The following ABCC1 variants were observed in gnomAD, a reference collection of about 807,000 sequenced individuals.
The protein encoded by ABCC1 is multidrug resistance-associated protein 1.
In ABCC1, 83 loss-of-function variants were observed where a neutral mutation model predicts 172.9. The ratio of observed to expected loss-of-function variants is 0.48; its 90% confidence interval spans 0.40 to 0.58. The LOEUF (loss-of-function observed/expected upper bound fraction) is 0.58. Ranked by LOEUF, ABCC1 falls within the 20% of genes least tolerant of loss-of-function variation. The pLI, the probability that ABCC1 is intolerant of heterozygous loss-of-function variation, is 0.00. For synonymous variants in ABCC1, 937 were observed against 825.2 expected (o/e 1.14, Z -2.32); for missense variants, 1,817 against 2,002.7 (o/e 0.91, Z 1.77).
At chr16:16,007,729 C>T in intron 1 of ABCC1, 87 bp from the exon 2 acceptor site, 3 of 1,350,184 alleles carry the variant, frequency 2.2e-6, no homozygotes, top group South Asian at 1.5e-5. Context: ...TTCTTCAAAC[C>T]CCGTGGCAGC....
intron 12 of ABCC1, among the ~76,000 whole-genome samples, chr16:16,063,304 C>T (rs1286029545): frequency 6.6e-6 from 1 of 152,074 alleles, no homozygotes; most frequent in Non-Finnish European, 1.5e-5. Context: ...GATGGGGTTT[C>T]ACCATGTTGG....
chr16:16,107,344 C>T (rs2052171642), intron 21 of ABCC1, among the ~76,000 whole-genome samples: 1 of 152,080 alleles, frequency 6.6e-6, no homozygotes, highest in Admixed American at 6.6e-5. Flanking sequence ...GGCTGGAGTG[C>T]AGTGGTGCGA....
intron 10 of ABCC1, among the ~76,000 whole-genome samples, chr16:16,051,657 C>T (rs555354403): frequency 6.6e-5 from 10 of 152,216 alleles, no homozygotes; most frequent in African/African-American, 1.9e-4. Flanking sequence ...GGTAGGAGCT[C>T]AGTTCCTGGG....
chr16:16,105,271 G>A (rs1288169945), intron 20 of ABCC1: 1 of 152,306 alleles, frequency 6.6e-6, no homozygotes, highest in Non-Finnish European at 1.5e-5. Context: ...CTGTCGAGGT[G>A]TGTGGATGTG....
intron 7 of ABCC1, among the ~76,000 whole-genome samples, chr16:16,041,434 G>C (rs776792658): frequency 1.1e-4 from 16 of 152,136 alleles, no homozygotes; most frequent in Non-Finnish European, 1.9e-4. Context: ...CCTGAGAAGG[G>C]TCTGGCTCTG....
At chr16:15,967,163 C>G (rs770033816) in intron 1 of ABCC1, among the ~76,000 whole-genome samples, 18 of 152,080 alleles carry the variant, frequency 1.2e-4, no homozygotes, top group Admixed American at 2.0e-4. Context: ...TCTATATTCT[C>G]CAAAGGGCCA....
intron 1 of ABCC1, 34 bp from the exon 2 acceptor site, chr16:16,007,782 C>T (rs1307264343): frequency 1.9e-6 from 3 of 1,583,766 alleles, no homozygotes. Context: ...TGGGGTGTGT[C>T]CTGCTGACCC....
At chr16:16,099,084 G>A (rs2051611299) in intron 19 of ABCC1, among the ~76,000 whole-genome samples, 1 of 152,210 alleles carries the variant, frequency 6.6e-6, no homozygotes, top group Non-Finnish European at 1.5e-5. Flanking sequence ...CTTTGAGGCT[G>A]GCACTGGGGG....
At chr16:16,009,989 T>A in intron 3 of ABCC1, 88 bp downstream of exon 3, 1 of 1,092,272 alleles carries the variant, frequency 9.2e-7, no homozygotes, top group Non-Finnish European at 1.2e-6. Context: ...GAATCATAGT[T>A]TTTTAAGGCA....
At chr16:16,046,865 C>T (rs1261472218) in intron 9 of ABCC1, among the ~76,000 whole-genome samples, 2 of 151,178 alleles carry the variant, frequency 1.3e-5, no homozygotes, top group African/African-American at 4.9e-5. Flanking sequence ...GAGTGATTCT[C>T]AGGCCTGTCT....
In ABCC1 at chr16:16,045,873, G is replaced by T. The variant is rs745730737; in HGVS notation, c.1078G>T (p.Asp360Tyr). ...IKFVNDTKAP[D>Y]WQGYFYTVLL... ...GTTCGTGAATGACACGAAGGCCCCA[G>T]ACTGGCAGGGCTACTTCTACACCGT... Residue 360 changes from aspartate (D) to tyrosine (Y), a missense_variant, in exon 9 of 31, where the codon GAC (aspartate) becomes TAC (tyrosine). Transcript: ENST00000399410. The T allele has an allele frequency of 1.7e-5, 28 of 1,614,184 alleles. No homozygotes were observed. Among genetic ancestry groups the T allele is most frequent in the Non-Finnish European group, 2.2e-5 (26 of 1,180,040 alleles).
intron 13 of ABCC1, among the ~76,000 whole-genome samples, chr16:16,069,181 TAAATAAA>T (rs2050234562): frequency 3.0e-5 from 4 of 133,754 alleles, no homozygotes; most frequent in Admixed American, 7.3e-5. Context: ...AATAAATAAA[TAAATAAA>T]TAAATAAATA....
At chr16:16,131,217 A>G (rs1336041002) in intron 26 of ABCC1, among the ~76,000 whole-genome samples, 1 of 152,240 alleles carries the variant, frequency 6.6e-6, no homozygotes, top group East Asian at 1.9e-4. Context: ...GACAAAAATG[A>G]ACAACTATGG....
At chr16:16,079,300 C>T (rs1037769865) in intron 15 of ABCC1, 52 bp from the exon 16 acceptor site, 2 of 1,600,306 alleles carry the variant, frequency 1.2e-6, no homozygotes, top group African/African-American at 1.3e-5. Context: ...TGGGCATTAG[C>T]CCGGCAGGCC....
chr16:16,064,510 C>T (rs1029448850), intron 12 of ABCC1, among the ~76,000 whole-genome samples: 8 of 152,314 alleles, frequency 5.3e-5, no homozygotes, highest in East Asian at 3.9e-4. Context: ...TGAAAGGGGC[C>T]GCATGATGTT....
intron 12 of ABCC1, among the ~76,000 whole-genome samples, chr16:16,058,528 T>C (rs2049768408): frequency 6.6e-6 from 1 of 152,242 alleles, no homozygotes; most frequent in African/African-American, 2.4e-5. Flanking sequence ...GAAAGCGTGT[T>C]CATGCTCCCA....
chr16:16,041,409 C>A (rs995255188), intron 7 of ABCC1, among the ~76,000 whole-genome samples: 7 of 152,122 alleles, frequency 4.6e-5, no homozygotes, highest in Admixed American at 3.9e-4. Context: ...GGTCTTGGGG[C>A]TTGAAAGCGG....
At chr16:16,001,058 A>G (rs1205467292) in intron 1 of ABCC1, among the ~76,000 whole-genome samples, 2 of 152,198 alleles carry the variant, frequency 1.3e-5, no homozygotes, top group Non-Finnish European at 2.9e-5. Flanking sequence ...TGTCTAGAAC[A>G]TTATCTGACA....
Position 16,136,497 on chromosome 16 carries a change from G to A in ABCC1, c.4145G>A (p.Gly1382Asp). ...GAACAGGACCCTGTTTTGTTTTCGG[G>A]TTCCCTCCGAATGAACCTGGACCCA... ...IIPQDPVLFS[G>D]SLRMNLDPFS... The change falls in exon 29 of 31, where the codon GGT becomes GAT. Residue 1382 changes from glycine to aspartate, a missense_variant. Gly to Asp is a moderately conservative substitution (Grantham distance 94). Coordinates refer to ENST00000399410, the MANE Select transcript of ABCC1 (RefSeq NM_004996.4). The A allele has an allele frequency of 6.2e-7, 1 of 1,614,118 alleles. No homozygotes were observed. Among genetic ancestry groups the A allele is most frequent in the Non-Finnish European group, 8.5e-7 (1 of 1,180,030 alleles).
Sources: gnomAD v4.1 joint callset for allele counts (sites outside exome capture counted in the v4.1 genomes callset) on GRCh38, gnomAD v4.1.1 for gene constraint, MANE v1.5 for transcripts, NCBI Gene and HGNC (gene_info 2026-07-23, HGNC 2026-07-21) for gene names.